EHBP1: variants seen among roughly 807,000 people sequenced by gnomAD.
The protein encoded by EHBP1 is EH domain binding protein 1.
Under a neutral mutation model 144.0 loss-of-function variants are expected in EHBP1, and 55 were observed. The ratio of observed to expected loss-of-function variants is 0.38; its 90% CI spans 0.31 to 0.48. The LOEUF (loss-of-function observed/expected upper bound fraction) is 0.48, where lower values mean the gene tolerates loss of function less well. Ranked by LOEUF, EHBP1 falls within the 20% of genes least tolerant of loss-of-function variation. The pLI is 0.98. For synonymous variants in EHBP1, 469 were observed against 472.7 expected, an observed-to-expected ratio of 0.99 and a Z score of 0.10; for missense variants, 1,200 against 1,364.2, an observed-to-expected ratio of 0.88 and a Z score of 1.90.
At chr2:62,899,295 A>G (rs1014596659) in intron 10 of EHBP1, among the ~76,000 whole-genome samples, 1 of 152,190 alleles carries the variant, frequency 6.6e-6, no homozygotes, top group African/African-American at 2.4e-5. Context: ...ATCTGCACAT[A>G]AGGGATATTG....
At chr2:62,748,937 T>C (rs2039412071) in intron 3 of EHBP1, among the ~76,000 whole-genome samples, 1 of 152,206 alleles carries the variant, frequency 6.6e-6, no homozygotes. Flanking sequence ...TGTATACTTG[T>C]ATAATTACCA....
chr2:62,846,946 C>G (rs1485414244), intron 7 of EHBP1, among the ~76,000 whole-genome samples: 1 of 152,042 alleles, frequency 6.6e-6, no homozygotes, highest in Non-Finnish European at 1.5e-5. Context: ...AGTCATAATC[C>G]TAGCAGGTGT....
chr2:62,902,661 T>C (rs1303084298), intron 10 of EHBP1, among the ~76,000 whole-genome samples: 3 of 152,194 alleles, frequency 2.0e-5, no homozygotes, highest in African/African-American at 7.2e-5. Context: ...GTTAAAACTG[T>C]GAATATTGCA....
intron 10 of EHBP1, among the ~76,000 whole-genome samples, chr2:62,894,657 A>G (rs1025947958): frequency 1.1e-4 from 16 of 152,188 alleles, no homozygotes; most frequent in African/African-American, 3.4e-4. Context: ...AGTTGTGAAT[A>G]TTTTATATAT....
At chr2:62,734,738 G>A (rs1422049481) in intron 2 of EHBP1, among the ~76,000 whole-genome samples, 1 of 151,842 alleles carries the variant, frequency 6.6e-6, no homozygotes, top group Non-Finnish European at 1.5e-5. Flanking sequence ...CTCTTTTTCT[G>A]TCTTTTGTGT....
chr2:62,972,286 C>T (rs887784919), intron 14 of EHBP1, among the ~76,000 whole-genome samples: 19 of 152,080 alleles, frequency 1.2e-4, no homozygotes, highest in Non-Finnish European at 2.5e-4. Flanking sequence ...TTGTGCTGAA[C>T]GCTATACAGA....
intron 5 of EHBP1, chr2:62,772,151 GAGAA>G (rs561825338): frequency 3.3e-4 from 46 of 140,194 alleles, no homozygotes; most frequent in African/African-American, 1.0e-3. Flanking sequence ...AAGAAAAAGA[GAGAA>G]AGAGAGAAAG....
intron 3 of EHBP1, among the ~76,000 whole-genome samples, chr2:62,760,105 C>T (rs1190631131): frequency 6.6e-6 from 1 of 151,982 alleles, no homozygotes; most frequent in Non-Finnish European, 1.5e-5. Flanking sequence ...TCCACATATG[C>T]AGGTTTTGCA....
At chr2:62,849,852 A>G (rs774414981) in intron 7 of EHBP1, among the ~76,000 whole-genome samples, 2 of 152,188 alleles carry the variant, frequency 1.3e-5, no homozygotes, top group African/African-American at 2.4e-5. Flanking sequence ...ATCTATGGTC[A>G]TTAGAGTAGA....
At chr2:62,758,573 C>T (rs2040497866) in intron 3 of EHBP1, among the ~76,000 whole-genome samples, 2 of 152,112 alleles carry the variant, frequency 1.3e-5, no homozygotes, top group Admixed American at 1.3e-4. Context: ...CAATATGTGA[C>T]AGTATTGGAA....
At chr2:62,702,949 G>A (rs759809826), upstream of EHBP1, among the ~76,000 whole-genome samples, 7 of 152,166 alleles carry the variant, frequency 4.6e-5, no homozygotes, top group African/African-American at 7.2e-5. Flanking sequence ...TAAGTAACTC[G>A]TGTTACTTTC....
At chr2:62,778,568 C>CAGT (rs201822492) in intron 5 of EHBP1, among the ~76,000 whole-genome samples, 242 of 150,166 alleles carry the variant, frequency 1.6e-3, no homozygotes, top group East Asian at 0.015. Context: ...AAATCCAAGG[C>CAGT]AGTAGTGTAA....
chr2:62,732,509 T>TA, intron 2 of EHBP1, among the ~76,000 whole-genome samples: 1 of 152,280 alleles, frequency 6.6e-6, no homozygotes, highest in South Asian at 2.1e-4. Flanking sequence ...ACCATCCCTC[T>TA]AGTGCTGTTC....
At chr2:62,773,625 G>T (rs1435672321) in intron 5 of EHBP1, among the ~76,000 whole-genome samples, 2 of 151,870 alleles carry the variant, frequency 1.3e-5, no homozygotes. Flanking sequence ...AAGGCAGGCA[G>T]ATTGCCTGAG....
At chr2:62,730,198 C>T (rs1232211168) in intron 2 of EHBP1, among the ~76,000 whole-genome samples, 1 of 151,940 alleles carries the variant, frequency 6.6e-6, no homozygotes, top group African/African-American at 2.4e-5. Context: ...CCCTATTTCC[C>T]CCCACTTATT....
chr2:63,026,055 G>T (rs1028910855), intron 19 of EHBP1, among the ~76,000 whole-genome samples: 7 of 152,134 alleles, frequency 4.6e-5, no homozygotes, highest in Admixed American at 1.3e-4. Flanking sequence ...TGGTTGATTG[G>T]TGCAGTAAAA....
chr2:62,993,724 C>CATA (rs2059509321), intron 17 of EHBP1, 56 bp downstream of exon 17: 1 of 919,138 alleles, frequency 1.1e-6, no homozygotes, highest in African/African-American at 1.8e-5. Context: ...ATATAGATAT[C>CATA]TATATATAGT....
At chr2:63,031,103 C>G (rs995305610) in intron 19 of EHBP1, among the ~76,000 whole-genome samples, 3 of 151,856 alleles carry the variant, frequency 2.0e-5, no homozygotes, top group African/African-American at 7.3e-5. Flanking sequence ...AGCTTCCACT[C>G]CCACTTTTAA....
At chr2:63,043,033 T>G (rs1033312937) in intron 21 of EHBP1, among the ~76,000 whole-genome samples, 1 of 152,158 alleles carries the variant, frequency 6.6e-6, no homozygotes, top group Non-Finnish European at 1.5e-5. Flanking sequence ...ACTAGTAATC[T>G]TAATATAAAA....
Sources: allele counts gnomAD v4.1 joint callset (sites outside exome capture counted in the v4.1 genomes callset), GRCh38; gene constraint gnomAD v4.1.1; transcripts MANE v1.5; gene names NCBI Gene and HGNC (gene_info 2026-07-23, HGNC 2026-07-21).